The following ADAMTS16 variants were observed in gnomAD, a reference collection of about 807,000 sequenced individuals.
The protein encoded by ADAMTS16 is A disintegrin and metalloproteinase with thrombospondin motifs 16.
In ADAMTS16, 94 loss-of-function variants were observed where a neutral mutation model predicts 145.8. That is an observed-to-expected ratio of 0.64 (90% confidence interval 0.55 to 0.77). ADAMTS16 has a LOEUF of 0.77. Among genes scored for constraint, ADAMTS16 ranks in the 30% least tolerant of loss-of-function variants. ADAMTS16 has a pLI of 0.00. For missense variants in ADAMTS16, 1,585 were observed against 1,591.5 expected (o/e 1.00, Z 0.07); for synonymous variants, 659 against 604.3 (o/e 1.09, Z -1.33).
chr5:5,290,715 C>A (rs902636353), intron 18 of ADAMTS16, among the ~76,000 whole-genome samples: 1 of 152,168 alleles, frequency 6.6e-6, no homozygotes, highest in East Asian at 1.9e-4. Flanking sequence ...CTGCAGTGGG[C>A]TTCAGCAGCT....
chr5:5,235,031 A>G lies in ADAMTS16; in HGVS notation c.1868A>G (p.Lys623Arg), dbSNP rs1026321220. 5.1e-6 allele frequency: 8 copies of G among 1,582,574 alleles called. No homozygotes were observed. Among genetic ancestry groups the G allele is most frequent in the South Asian group, 3.4e-5 (3 of 88,444 alleles). ...CTNPKPSHGG[K>R]FCEGSTRTLK... ...CATTCCAGGCCATCGCATGGAGGGA[A>G]GTTCTGTGAGGGCTCCACTCGCACT... The change falls in exon 13 of 23, where the codon AAG becomes AGG. Residue 623 changes from lysine (K) to arginine (R), a missense_variant. Lys to Arg is a conservative substitution (Grantham distance 26, BLOSUM62 2). Around this residue, in one of 3 missense-constraint regions of ADAMTS16, gnomAD observed 834 missense variants for 811.7 expected, o/e 1.03. Coordinates refer to ENST00000274181, the MANE Select transcript of ADAMTS16 (RefSeq NM_139056.4).
At chr5:5,297,751 G>A (rs1579394637) in intron 18 of ADAMTS16, among the ~76,000 whole-genome samples, 1 of 152,176 alleles carries the variant, frequency 6.6e-6, no homozygotes, top group Admixed American at 6.5e-5. Context: ...CGCCCACAGC[G>A]CTGCCTTTGT....
intron 9 of ADAMTS16, among the ~76,000 whole-genome samples, chr5:5,205,373 C>G (rs1469410276): frequency 6.6e-6 from 1 of 151,326 alleles, no homozygotes; most frequent in African/African-American, 2.4e-5. Context: ...TCCACATGAT[C>G]TCCTACAAGT....
At chr5:5,181,028 C>T (rs527511961) in intron 3 of ADAMTS16, among the ~76,000 whole-genome samples, 1 of 152,262 alleles carries the variant, frequency 6.6e-6, no homozygotes, top group East Asian at 1.9e-4. Context: ...AAAATTGACC[C>T]TGAATTTACT....
At chr5:5,226,624 G>A (rs150567281) in intron 11 of ADAMTS16, among the ~76,000 whole-genome samples, 2 of 152,278 alleles carry the variant, frequency 1.3e-5, no homozygotes, top group East Asian at 1.9e-4. Flanking sequence ...AGGTTTATCA[G>A]TTTAGATGTG....
chr5:5,313,935 T>C (rs1181804620), intron 21 of ADAMTS16, among the ~76,000 whole-genome samples: 4 of 152,206 alleles, frequency 2.6e-5, no homozygotes, highest in African/African-American at 9.7e-5. Flanking sequence ...TCTCCCAAAA[T>C]TATGTGGTGC....
rs770462012 is a variant in ADAMTS16, at chr5:5,174,343, G to GT, written c.502-7695dup. Among the ~76,000 whole-genome samples, 12 of 151,546 alleles carry GT rather than the reference G, an allele frequency of 7.9e-5. 1 individual carries two copies. The highest frequency in any genetic ancestry group is 3.9e-4 in the East Asian group (2 of 5,146). ...ATGTATTGAAGCTCCATTTTATGTT[G>GT]TTTTTTCTTTTCTCTTGTTGCTTTT... On this transcript the variant is annotated intron_variant, in intron 3 of 22. Coordinates refer to ENST00000274181, the MANE Select transcript of ADAMTS16 (RefSeq NM_139056.4).
In ADAMTS16 at chr5:5,305,455, C is replaced by CCA. The variant is rs1261021968; in HGVS notation, c.3187-1036_3187-1035dup. 9.2e-4 allele frequency among the ~76,000 whole-genome samples: 81 copies of CCA among 87,674 alleles called. 7 individuals are homozygous for CCA. Among genetic ancestry groups the CCA allele is most frequent in the African/African-American group, 3.1e-3 (67 of 21,920 alleles). 57.5% of individuals were successfully genotyped at this position (87,674 alleles called of 152,430 possible). A position where few individuals can be genotyped will look rare whatever the true frequency, so the allele number is the denominator to read the frequency against. The stretch of plus-strand genomic sequence containing the variant: ...CCCACACCACACACACACATCCACA[C>CCA]CACACACACACACATCCCACACCAC... On this transcript the variant is annotated intron_variant, in intron 20 of 22. Transcript: ENST00000274181.
At chr5:5,238,087 G>GAATAC (rs1737165942) in intron 14 of ADAMTS16, among the ~76,000 whole-genome samples, 1 of 152,156 alleles carries the variant, frequency 6.6e-6, no homozygotes, top group Non-Finnish European at 1.5e-5. Context: ...TTGAATACAT[G>GAATAC]AGGGTTAGGC....
intron 3 of ADAMTS16, among the ~76,000 whole-genome samples, chr5:5,171,249 G>C (rs1202259911): frequency 6.6e-6 from 1 of 152,020 alleles, no homozygotes; most frequent in East Asian, 1.9e-4. Flanking sequence ...TTTCTAATTT[G>C]AATGCCCTTT....
At chr5:5,304,806 A>C (rs1390183823) in intron 20 of ADAMTS16, among the ~76,000 whole-genome samples, 1 of 151,998 alleles carries the variant, frequency 6.6e-6, no homozygotes, top group Non-Finnish European at 1.5e-5. Flanking sequence ...GTCCCACAGA[A>C]CTGAACGCAC....
At chr5:5,215,503 C>G (rs1736393562) in intron 10 of ADAMTS16, among the ~76,000 whole-genome samples, 1 of 151,978 alleles carries the variant, frequency 6.6e-6, no homozygotes, top group Non-Finnish European at 1.5e-5. Context: ...TCCCTCTCTT[C>G]AGTCCCCAAA....
At chr5:5,234,947 G>A (rs1358664407) in intron 12 of ADAMTS16, 67 bp from the exon 13 acceptor site, 25 of 1,351,542 alleles carry the variant, frequency 1.8e-5, no homozygotes, top group African/African-American at 7.5e-5. Flanking sequence ...TCTCCAATAA[G>A]CCTAATTTTA....
chr5:5,314,050 A>T (rs1162178465), intron 21 of ADAMTS16, among the ~76,000 whole-genome samples: 2 of 151,998 alleles, frequency 1.3e-5, no homozygotes, highest in African/African-American at 4.8e-5. Context: ...TTGTACAAAA[A>T]TTCACAACGT....
intron 3 of ADAMTS16, among the ~76,000 whole-genome samples, chr5:5,153,185 A>G (rs529769687): frequency 2.0e-5 from 3 of 152,342 alleles, no homozygotes; most frequent in Non-Finnish European, 2.9e-5. Context: ...CTTCAGTGCC[A>G]TCTTCCTCAG....
intron 17 of ADAMTS16, among the ~76,000 whole-genome samples, chr5:5,254,713 G>A (rs1239326497): frequency 1.3e-5 from 2 of 151,976 alleles, no homozygotes; most frequent in African/African-American, 2.4e-5. Context: ...TCTTGACATT[G>A]AACCATCCTT....
intron 13 of ADAMTS16, among the ~76,000 whole-genome samples, chr5:5,235,959 A>G (rs1038231750): frequency 9.2e-5 from 14 of 152,248 alleles, no homozygotes; most frequent in Non-Finnish European, 1.9e-4. Flanking sequence ...AGGAAATTAC[A>G]AGCAATTTCC....
intron 21 of ADAMTS16, among the ~76,000 whole-genome samples, chr5:5,312,429 G>T (rs1041829104): frequency 6.9e-5 from 10 of 144,902 alleles, no homozygotes; most frequent in East Asian, 6.2e-4. Context: ...CTCTTTTTTT[G>T]TTGTTTTTTG....
intron 10 of ADAMTS16, among the ~76,000 whole-genome samples, chr5:5,221,522 T>G (rs1264117489): frequency 3.9e-5 from 6 of 152,206 alleles, no homozygotes; most frequent in East Asian, 1.9e-4. Context: ...GCACAGTGAT[T>G]GTAACCATAT....
Sources: allele counts gnomAD v4.1 joint callset (sites outside exome capture counted in the v4.1 genomes callset), GRCh38; gene constraint gnomAD v4.1.1; regional missense constraint gnomAD v4.1.1; transcripts MANE v1.5; gene names NCBI Gene and HGNC (gene_info 2026-07-23, HGNC 2026-07-21).